TENM3: variants seen among roughly 807,000 people sequenced by gnomAD.
TENM3 encodes teneurin transmembrane protein 3, also known as teneurin-3.
TENM3 carries 63 observed loss-of-function variants against 255.1 expected under a neutral mutation model. The observed-to-expected ratio is 0.25, with a 90% CI of 0.20 to 0.30. TENM3 has a LOEUF of 0.30. Among genes scored for constraint, TENM3 ranks in the 10% least tolerant of loss-of-function variants. The probability of loss-of-function intolerance (pLI) is 1.00; values close to 1 mark genes in which losing one functional copy is unlikely to be tolerated. For synonymous variants in TENM3, 1,306 were observed against 1,322.3 expected, an observed-to-expected ratio of 0.99 and a Z score of 0.27; for missense variants, 2,929 against 3,461.1, an observed-to-expected ratio of 0.85 and a Z score of 3.86.
intron 1 of TENM3, among the ~76,000 whole-genome samples, chr4:182,171,043 A>G (rs1264337300): frequency 4.6e-5 from 7 of 152,306 alleles, no homozygotes; most frequent in Admixed American, 2.0e-4. Context: ...AAAATCAAAG[A>G]AATTTTATTA....
chr4:182,623,868 C>T (rs1750544952), intron 4 of TENM3, among the ~76,000 whole-genome samples: 1 of 152,212 alleles, frequency 6.6e-6, no homozygotes, highest in Non-Finnish European at 1.5e-5. Flanking sequence ...CACACTCTGC[C>T]ATCTCTTTGC....
the TENM3 span, among the ~76,000 whole-genome samples, chr4:182,064,531 C>G: frequency 3.3e-5 from 5 of 151,800 alleles, no homozygotes; most frequent in African/African-American, 7.3e-5. Flanking sequence ...TGCAGTGAGC[C>G]GAGATCGCAC....
At chr4:182,179,781 ATTGT>A (rs1293467380) in intron 1 of TENM3, among the ~76,000 whole-genome samples, 1 of 152,200 alleles carries the variant, frequency 6.6e-6, no homozygotes, top group Non-Finnish European at 1.5e-5. Flanking sequence ...TCTTCTAAAT[ATTGT>A]TTATGTTTGA....
chr4:182,111,275 T>C, the TENM3 span, among the ~76,000 whole-genome samples: 1 of 151,570 alleles, frequency 6.6e-6, no homozygotes, highest in Admixed American at 6.6e-5. Context: ...GGGACTTTTA[T>C]TGTTCAGGCA....
chr4:182,603,237 C>T (rs1201714352), intron 4 of TENM3, among the ~76,000 whole-genome samples: 1 of 152,082 alleles, frequency 6.6e-6, no homozygotes, highest in Non-Finnish European at 1.5e-5. Flanking sequence ...TGAGTAGTTA[C>T]TGAGATTTTC....
At chr4:181,771,160 T>G in the TENM3 span, among the ~76,000 whole-genome samples, 1 of 152,220 alleles carries the variant, frequency 6.6e-6, no homozygotes, top group Non-Finnish European at 1.5e-5. Context: ...ATGGCCACAA[T>G]ATGCTTTAAT....
At chr4:181,613,195 C>T in the TENM3 span, among the ~76,000 whole-genome samples, 1 of 152,188 alleles carries the variant, frequency 6.6e-6, no homozygotes, top group Non-Finnish European at 1.5e-5. Context: ...ACACTGCTGC[C>T]TCTAGTTTAG....
intron 3 of TENM3, among the ~76,000 whole-genome samples, chr4:182,371,823 T>C (rs1561376754): frequency 6.6e-6 from 1 of 152,222 alleles, no homozygotes; most frequent in Non-Finnish European, 1.5e-5. Context: ...CAGTTCTTAA[T>C]AGACCAGGAT....
In TENM3 at chr4:182,621,626, A is replaced by C. The variant is rs1193697022; in HGVS notation, c.750-7025A>C. Among the ~76,000 whole-genome samples, 3 of 37,468 alleles carry C rather than the reference A, an allele frequency of 8.0e-5. No homozygotes were observed. In the East Asian group the frequency reaches 1.4e-3, roughly 17 times the overall value. The allele number at this position is 37,468 out of a possible 152,430, so 24.6% of individuals were successfully genotyped here. ...AAAAATATATATAAATATATATATA[A>C]AATATATAATATATAATACATATTA... On this transcript the variant is annotated intron_variant, in intron 4 of 27. Coordinates refer to ENST00000511685, the MANE Select transcript of TENM3 (RefSeq NM_001080477.4).
intron 25 of TENM3, among the ~76,000 whole-genome samples, chr4:182,791,989 A>G (rs1766138598): frequency 6.6e-6 from 1 of 152,154 alleles, no homozygotes. Context: ...ATCCAGATCC[A>G]TTGACAAATC....
chr4:182,129,038 G>A, the TENM3 span, among the ~76,000 whole-genome samples: 1,239 of 152,280 alleles, frequency 8.1e-3, 16 homozygotes, highest in African/African-American at 0.028. Flanking sequence ...TTGAGGCCAC[G>A]CAGAAAGATC....
chr4:182,454,261 C>T (rs551759364), intron 3 of TENM3, among the ~76,000 whole-genome samples: 28 of 152,158 alleles, frequency 1.8e-4, no homozygotes, highest in South Asian at 8.3e-4. Context: ...TCTTTCTTTT[C>T]GTTTTCAAAT....
At chr4:182,622,444 A>G (rs962545355) in intron 4 of TENM3, among the ~76,000 whole-genome samples, 4 of 152,244 alleles carry the variant, frequency 2.6e-5, no homozygotes, top group African/African-American at 9.6e-5. Flanking sequence ...GGAAATTTAA[A>G]CAGAGGTGTC....
chr4:182,362,694 GC>G (rs1478144795), intron 3 of TENM3, among the ~76,000 whole-genome samples: 1 of 151,310 alleles, frequency 6.6e-6, no homozygotes, highest in Admixed American at 6.6e-5. Flanking sequence ...GCAATGCCTC[GC>G]CCTGCTTCGG....
At chr4:181,458,766 A>C in the TENM3 span, among the ~76,000 whole-genome samples, 2 of 151,950 alleles carry the variant, frequency 1.3e-5, no homozygotes, top group African/African-American at 4.8e-5. Flanking sequence ...TATTTCATCA[A>C]ATCCATATAT....
the TENM3 span, among the ~76,000 whole-genome samples, chr4:181,940,898 CAG>C: frequency 6.6e-6 from 1 of 152,194 alleles, no homozygotes; most frequent in Non-Finnish European, 1.5e-5. Flanking sequence ...AAAGAGGTAT[CAG>C]TGTTTGTGTT....
At chr4:181,951,152 T>A in the TENM3 span, among the ~76,000 whole-genome samples, 1 of 152,232 alleles carries the variant, frequency 6.6e-6, no homozygotes, top group Non-Finnish European at 1.5e-5. Context: ...TTTATTAATT[T>A]CCCACATTGG....
At chr4:182,712,137 A>G (rs1326706554) in intron 12 of TENM3, among the ~76,000 whole-genome samples, 1 of 152,210 alleles carries the variant, frequency 6.6e-6, no homozygotes, top group Non-Finnish European at 1.5e-5. Flanking sequence ...TTTAAAACCT[A>G]TAAATACTGT....
intron 1 of TENM3, among the ~76,000 whole-genome samples, chr4:182,210,745 G>A (rs1311721420): frequency 6.6e-6 from 1 of 151,092 alleles, no homozygotes; most frequent in Admixed American, 6.6e-5. Flanking sequence ...CTTCTTTTCT[G>A]CTGATCTCCA....
Sources: allele counts gnomAD v4.1 joint callset (sites outside exome capture counted in the v4.1 genomes callset), GRCh38; gene constraint gnomAD v4.1.1; transcripts MANE v1.5; gene names NCBI Gene and HGNC (gene_info 2026-07-23, HGNC 2026-07-21).